The following UPF3B variants were observed in gnomAD, a reference collection of about 807,000 sequenced individuals.
UPF3B encodes the protein regulator of nonsense transcripts 3B.
Under a neutral mutation model 40.3 loss-of-function variants are expected in UPF3B, and 7 were observed. The ratio of observed to expected loss-of-function variants is 0.17; its 90% CI spans 0.10 to 0.33. The LOEUF is 0.33. Among genes scored for constraint, UPF3B ranks in the 10% least tolerant of loss-of-function variants. The pLI is 1.00. For missense variants in UPF3B, 229 were observed against 358.9 expected (o/e 0.64, Z 2.93); for synonymous variants, 117 against 117.3 (o/e 1.00, Z 0.01).
chrX:119,845,443 C>T, intron 3 of UPF3B, 147 bp from the exon 4 acceptor site: 2 of 469,809 alleles, frequency 4.3e-6, no homozygotes, highest in Non-Finnish European at 7.4e-6. Context: ...ACTGGCACAA[C>T]CATAATCAAC....
At chrX:119,806,748 A>C (rs928896592) in intron 6 of UPF3B, among the ~76,000 whole-genome samples, 3 of 110,736 alleles carry the variant, frequency 2.7e-5, no homozygotes, top group African/African-American at 9.8e-5. Context: ...ATTGGAATGG[A>C]CGGGCACGGT....
intron 3 of UPF3B, among the ~76,000 whole-genome samples, chrX:119,827,166 A>T (rs1161058499): frequency 1.8e-5 from 2 of 110,974 alleles, no homozygotes; most frequent in Non-Finnish European, 3.8e-5. Flanking sequence ...GTACCCTCTG[A>T]CTTCTTTTTG....
intron 4 of UPF3B, among the ~76,000 whole-genome samples, chrX:119,817,365 CAG>C (rs1336556662): frequency 8.9e-6 from 1 of 111,800 alleles, no homozygotes; most frequent in Non-Finnish European, 1.9e-5. Flanking sequence ...TACATGGCAG[CAG>C]ACTAGAGGTG....
At position 119,828,490 on chromosome X, in the gene UPF3B, G is replaced by A. The variant is rs191728467; in HGVS notation, c.392+3162C>T. 2.5e-4 allele frequency among the ~76,000 whole-genome samples: 28 copies of A among 111,120 alleles called. 2 individuals carry two copies. The South Asian group carries it at 0.01, about 41-fold the overall frequency. ...AGTTTGAGACCAGCCTGGGCAACAT[G>A]GGAAAACCGTATCTCTACAAAAAAT... On this transcript the variant is annotated intron_variant, in intron 3 of 6. Transcript: ENST00000636792.
At chrX:119,813,728 A>AT (rs1177594472) in intron 5 of UPF3B, among the ~76,000 whole-genome samples, 2 of 108,126 alleles carry the variant, frequency 1.8e-5, no homozygotes, top group Non-Finnish European at 1.9e-5. Flanking sequence ...TGCCCGGTTA[A>AT]TTTTTTTGTA....
At position 119,841,077 on chromosome X, in the gene UPF3B, T is replaced by G. The variant is rs780162949; in HGVS notation, c.806A>C (p.Lys269Thr). 8.3e-7 allele frequency: 1 copy of G among 1,210,282 alleles called. No individual in the cohort carries two copies. ...CAGTCAGTTTCAACATTCTTATACC[T>G]TAATCTTTGGTTCATCCTTTAATTT... ...RDKLKDEPKI[K>T]VHRFLLQAVN... Residue 269 changes from lysine (K) to threonine (T), a missense_variant and splice_region_variant, in exon 7 of 11, where the codon AAG becomes ACG. Lys to Thr is a moderately conservative substitution (Grantham distance 78). Around this residue, in one of 3 missense-constraint regions of UPF3B, gnomAD observed 87 missense variants for 184.2 expected, o/e 0.47. Transcript: ENST00000276201.
intron 8 of UPF3B, among the ~76,000 whole-genome samples, 185 bp from the exon 9 acceptor site, chrX:119,838,712 G>A (rs1283447247): frequency 1.8e-5 from 2 of 111,582 alleles, no homozygotes; most frequent in African/African-American, 6.5e-5. Context: ...TGCTATTAAT[G>A]TTAAAGTGTT....
chrX:119,806,802 G>C (rs186665204), intron 6 of UPF3B, among the ~76,000 whole-genome samples: 54 of 109,839 alleles, frequency 4.9e-4, no homozygotes, highest in African/African-American at 1.7e-3. Flanking sequence ...CCGAAGCGGG[G>C]GGAATCACCT....
At chrX:119,848,942 G>A (rs765294833) in intron 3 of UPF3B, among the ~76,000 whole-genome samples, 1 of 111,359 alleles carries the variant, frequency 9.0e-6, no homozygotes, top group Non-Finnish European at 1.9e-5. Context: ...TGAATTGTAC[G>A]CTTTAAGAGG....
chrX:119,840,413 C>CTGTA (rs752478376), intron 8 of UPF3B, among the ~76,000 whole-genome samples: 11 of 111,661 alleles, frequency 9.9e-5, no homozygotes, highest in African/African-American at 3.6e-4. Flanking sequence ...TGTCCTCTGG[C>CTGTA]TGTAGGTCAA....
intron 3 of UPF3B, among the ~76,000 whole-genome samples, chrX:119,847,721 C>CA (rs776464221): frequency 1.1e-4 from 12 of 109,890 alleles, no homozygotes; most frequent in Non-Finnish European, 1.7e-4. Flanking sequence ...GAGCCAAGAT[C>CA]ATGCCACTGC....
Position 119,851,764 on chromosome X carries a change from T to TTTTTTTTTTTTTTTAAC in UPF3B, c.263+2_263+3insGTTAAAAAAAAAAAAAA. 1 of 968,483 alleles carries TTTTTTTTTTTTTTTAAC rather than the reference T, an allele frequency of 1.0e-6. No homozygotes were observed. The highest frequency in any genetic ancestry group is 1.4e-6 in the Non-Finnish European group (1 of 710,202). The allele number at this position is 968,483 out of a possible 1,213,427, so 79.8% of individuals were successfully genotyped here. On this transcript the variant is annotated splice_region_variant and intron_variant, in intron 2 of 10. Coordinates refer to ENST00000276201, the MANE Select transcript of UPF3B (RefSeq NM_080632.3). ...ACCCCTTTCCTTTTTTTTTTTTTTT[T>TTTTTTTTTTTTTTTAAC]ACCTCGTATCATTAGAAAAAAACTC...
chrX:119,819,409 C>T (rs2055892735), intron 4 of UPF3B, among the ~76,000 whole-genome samples: 1 of 110,806 alleles, frequency 9.0e-6, no homozygotes, highest in Non-Finnish European at 1.9e-5. Context: ...AGCAAAATGC[C>T]CAGGAAAGCT....
In UPF3B at chrX:119,851,917, TTC is replaced by T. The variant is rs1214216656; in HGVS notation, c.157-46_157-45del. On this transcript the variant is annotated intron_variant, in intron 1 of 10. Coordinates refer to ENST00000276201, the MANE Select transcript of UPF3B (RefSeq NM_080632.3). ...AAAATAAAATTAGTACAAATCAGTTTTCTGTCATACCTGAAAGAATCACAGTT... is the reference window on the plus strand; with the variant it reads ...AAAATAAAATTAGTACAAATCAGTTTTGTCATACCTGAAAGAATCACAGTT... 3.3e-6 allele frequency: 3 copies of T among 901,699 alleles called. No homozygotes were observed. The Admixed American group carries it at 7.2e-5, about 22-fold the overall frequency. 74.3% of individuals were successfully genotyped at this position (901,699 alleles called of 1,213,427 possible).
chrX:119,808,320 GATTT>G (rs2147750061), intron 5 of UPF3B, among the ~76,000 whole-genome samples: 1 of 108,372 alleles, frequency 9.2e-6, no homozygotes, highest in East Asian at 2.9e-4. Context: ...ATTAAAGATG[GATTT>G]TAAAAATTGC....
intron 4 of UPF3B, among the ~76,000 whole-genome samples, chrX:119,818,683 G>A (rs150489021): frequency 0.043 from 4,775 of 112,199 alleles, 97 homozygotes; most frequent in Non-Finnish European, 0.069. Context: ...CTTGATGGGT[G>A]CCAAAACCAG....
chrX:119,809,698 G>A (rs2055815730), intron 5 of UPF3B, among the ~76,000 whole-genome samples: 1 of 111,994 alleles, frequency 8.9e-6, no homozygotes, highest in South Asian at 3.7e-4. Flanking sequence ...TGCAGCCTGG[G>A]CGACAGAGTG....
At chrX:119,842,580 T>TCTCACACACACA (rs1556379941) in intron 5 of UPF3B, among the ~76,000 whole-genome samples, 16 of 71,468 alleles carry the variant, frequency 2.2e-4, no homozygotes, top group African/African-American at 8.6e-4. Context: ...ACTCCATCTC[T>TCTCACACACACA]CACACACACA....
At chrX:119,833,650 A>G (rs12012575), downstream of UPF3B, among the ~76,000 whole-genome samples, 20,863 of 111,002 alleles carry the variant, frequency 0.19, 3,230 homozygotes, top group African/African-American at 0.52. Context: ...GGGATTACAG[A>G]TGCCCACCAC....
Sources: allele counts gnomAD v4.1 joint callset (sites outside exome capture counted in the v4.1 genomes callset), GRCh38; gene constraint gnomAD v4.1.1; regional missense constraint gnomAD v4.1.1; transcripts MANE v1.5; gene names NCBI Gene and HGNC (gene_info 2026-07-23, HGNC 2026-07-21).